The following PATJ variants were observed in gnomAD, a reference collection of about 807,000 sequenced individuals.
PATJ encodes inaD-like protein.
A neutral mutation model predicts 224.9 loss-of-function variants in PATJ; 190 were observed. That is an observed-to-expected ratio of 0.84 (90% CI 0.75 to 0.95). The LOEUF (loss-of-function observed/expected upper bound fraction) is 0.95, where lower values mean the gene tolerates loss of function less well. Among genes scored for constraint, PATJ ranks in the 40% least tolerant of loss-of-function variants. The pLI, the probability that PATJ is intolerant of heterozygous loss-of-function variation, is 0.00. For missense variants in PATJ, 2,121 were observed against 2,270.3 expected, an observed-to-expected ratio of 0.93 and a Z score of 1.34; for synonymous variants, 769 against 820.3, an observed-to-expected ratio of 0.94 and a Z score of 1.07.
At chr1:61,844,890 C>T (rs950834995) in intron 17 of PATJ, among the ~76,000 whole-genome samples, 4 of 152,088 alleles carry the variant, frequency 2.6e-5, no homozygotes, top group African/African-American at 9.7e-5. Context: ...TTCCCCTTTG[C>T]GTTACACCAT....
Position 62,161,018 on chromosome 1 carries a change from C to G in PATJ, c.5613C>G (p.His1871Gln), listed in dbSNP as rs1465563886. 3 of 1,602,208 alleles carry G rather than the reference C, an allele frequency of 1.9e-6. No individual in the cohort carries two copies. In the African/African-American group the frequency reaches 4.0e-5, roughly 21 times the overall value. The change falls in exon 44 of 44, where the codon CAC becomes CAG. Residue 1871 changes from histidine to glutamine, a missense_variant. Transcript: ENST00000642238. ...THEQAVAILK[H>Q]QRGTVTLTVL... ...AGCAAGCAGTCGCCATTCTAAAACA[C>G]CAGAGAGGGACTGTAACCTTAACTG... is the stretch of plus-strand genomic sequence containing the variant.
chr1:61,806,391 GGGC>G (rs1171821192), intron 13 of PATJ, among the ~76,000 whole-genome samples: 1 of 151,882 alleles, frequency 6.6e-6, no homozygotes, highest in African/African-American at 2.4e-5. Flanking sequence ...AGGCCGAGGC[GGGC>G]GGATCACGAG....
intron 1 of PATJ, among the ~76,000 whole-genome samples, chr1:61,751,460 A>C (rs919503056): frequency 6.6e-5 from 10 of 152,118 alleles, no homozygotes; most frequent in African/African-American, 2.4e-4. Context: ...GAGACCTCTA[A>C]GTGTGAAAAT....
chr1:62,124,079 TTTTTTC>T (rs368072954), intron 39 of PATJ, among the ~76,000 whole-genome samples: 97 of 152,140 alleles, frequency 6.4e-4, no homozygotes, highest in African/African-American at 2.0e-3. Flanking sequence ...AGTAGACTCT[TTTTTTC>T]TTTTTCTTTT....
intron 41 of PATJ, among the ~76,000 whole-genome samples, chr1:62,138,613 G>A (rs891304720): frequency 1.5e-4 from 23 of 151,996 alleles, no homozygotes; most frequent in Admixed American, 1.4e-3. Context: ...AGCCAAGAAG[G>A]AGCATAAGTT....
intron 29 of PATJ, among the ~76,000 whole-genome samples, chr1:62,020,538 G>A (rs761146408): frequency 1.3e-5 from 2 of 152,110 alleles, no homozygotes. Context: ...AAGACAGAAG[G>A]GAAAGCTGAA....
rs1184184690 is a variant in PATJ, at chr1:62,114,190, T to C, written c.4599T>C (p.Pro1533=). The part of the protein sequence containing the change: ...YRDEENLEIF[P]VDLQKKAGRG... Reference sequence around the variant, plus strand: ...ATGAGGAGAACTTGGAGATTTTCCCTGTGGATCTGCAGAAGAAAGCTGGCC... The same window carrying C: ...ATGAGGAGAACTTGGAGATTTTCCCCGTGGATCTGCAGAAGAAAGCTGGCC... The change falls in exon 35 of 44, where the codon CCT becomes CCC. Residue 1533 remains proline, a synonymous_variant. Transcript: ENST00000642238. 4.3e-6 allele frequency: 7 copies of C among 1,614,120 alleles called. No homozygotes were observed. The highest frequency in any genetic ancestry group is 5.9e-6 in the Non-Finnish European group (7 of 1,180,014).
chr1:61,943,105 C>A (rs1388733092), intron 27 of PATJ, among the ~76,000 whole-genome samples: 1 of 152,202 alleles, frequency 6.6e-6, no homozygotes, highest in Non-Finnish European at 1.5e-5. Context: ...CTGCTACATT[C>A]TCATCATGCT....
In PATJ at chr1:61,921,044, T is replaced by C. The variant is rs547056235; in HGVS notation, c.3570+6380T>C. On this transcript the variant is annotated intron_variant, in intron 26 of 43. Coordinates refer to ENST00000642238, the MANE Select transcript of PATJ (RefSeq NM_001350145.3). ...TCTTAAGGTGCACCTTTTTCCTCTT[T>C]TTCTCTTCCACCTCAAGCTAAGACA... Among the ~76,000 whole-genome samples, 14 of 152,238 alleles carry C rather than the reference T, an allele frequency of 9.2e-5. No individual in the cohort carries two copies. In the East Asian group the frequency reaches 2.7e-3, roughly 29 times the overall value.
At chr1:62,151,595 A>T (rs1185279929) in intron 42 of PATJ, among the ~76,000 whole-genome samples, 3 of 152,160 alleles carry the variant, frequency 2.0e-5, no homozygotes, top group African/African-American at 7.2e-5. Flanking sequence ...CGTCTCAAAA[A>T]AATAAATAAA....
intron 14 of PATJ, among the ~76,000 whole-genome samples, chr1:61,812,199 C>T (rs946364107): frequency 3.3e-5 from 5 of 151,950 alleles, no homozygotes; most frequent in East Asian, 1.9e-4. Context: ...TTCTGTCATT[C>T]GATGTTTTGT....
chr1:61,759,702 C>A (rs763024825), intron 1 of PATJ, among the ~76,000 whole-genome samples: 2 of 152,192 alleles, frequency 1.3e-5, no homozygotes, highest in Non-Finnish European at 2.9e-5. Flanking sequence ...GCCACAGCGC[C>A]CGGGCTGATC....
intron 33 of PATJ, chr1:62,100,377 T>G: frequency 2.8e-6 from 2 of 718,430 alleles, no homozygotes; most frequent in Non-Finnish European, 5.2e-6. Context: ...GCCTTCATGC[T>G]GCATCATCCT....
At chr1:62,153,547 C>T in intron 43 of PATJ, 66 bp downstream of exon 43, 1 of 1,039,384 alleles carries the variant, frequency 9.6e-7, no homozygotes. Flanking sequence ...CTTTTAAGTG[C>T]TTTGCTTTGC....
intron 27 of PATJ, among the ~76,000 whole-genome samples, chr1:61,986,392 T>A (rs1417257194): frequency 6.6e-6 from 1 of 152,112 alleles, no homozygotes; most frequent in African/African-American, 2.4e-5. Flanking sequence ...TCTGCAGTTA[T>A]TTTTCTCTTT....
chr1:62,116,997 T>G (rs1664510232), intron 36 of PATJ, 135 bp from the exon 37 acceptor site: 1 of 698,142 alleles, frequency 1.4e-6, no homozygotes, highest in African/African-American at 1.8e-5. Context: ...GAATTCATCC[T>G]CCTCTCTCTA....
rs1663008871 is a variant in PATJ at position 62,106,170 on chromosome 1, ATAT to A, written c.4378-2266_4378-2264del. On this transcript the variant is annotated intron_variant, in intron 33 of 43. Transcript: ENST00000642238. ...TGTGTGTGTGTGTGTATATATATATATATATATATATATATATGGCTGGGCACA... is the reference window on the plus strand; with the variant it reads ...TGTGTGTGTGTGTGTATATATATATAATATATATATATATGGCTGGGCACA... Among the ~76,000 whole-genome samples the A allele has an allele frequency of 5.0e-5, 5 of 99,254 alleles. 1 individual carries two copies. The highest frequency in any genetic ancestry group is 1.8e-4 in the African/African-American group (5 of 28,116). 65.1% of individuals were successfully genotyped at this position (99,254 alleles called of 152,430 possible).
At position 62,148,402 on chromosome 1, in the gene PATJ, A is replaced by AGATGCAGAG. The variant is rs753589119; in HGVS notation, c.5378+14_5378+22dup. Reference sequence around the variant, plus strand: ...CCAGAAGACACAGAGTGAGTATTTCAGATGCAGAGGGCCTATTATGCATGT... The same window carrying AGATGCAGAG: ...CCAGAAGACACAGAGTGAGTATTTCAGATGCAGAGGATGCAGAGGGCCTATTATGCATGT... On this transcript the variant is annotated intron_variant, in intron 42 of 43. Transcript: ENST00000642238. 1.9e-6 allele frequency: 3 copies of AGATGCAGAG among 1,573,452 alleles called. No homozygotes were observed. The African/African-American group carries it at 4.0e-5, about 21-fold the overall frequency.
intron 25 of PATJ, among the ~76,000 whole-genome samples, chr1:61,909,401 C>A (rs908637399): frequency 1.3e-5 from 2 of 152,220 alleles, no homozygotes; most frequent in African/African-American, 4.8e-5. Context: ...ACCCTTAAAA[C>A]TGGAAGCAAT....
Sources: gnomAD v4.1 joint callset for allele counts (sites outside exome capture counted in the v4.1 genomes callset) on GRCh38, gnomAD v4.1.1 for gene constraint, MANE v1.5 for transcripts, NCBI Gene and HGNC (gene_info 2026-07-23, HGNC 2026-07-21) for gene names.